Variants in GNB1 observed in about 807,000 individuals in gnomAD.
GNB1 encodes the protein G protein subunit beta 1.
Under a neutral mutation model 42.9 loss-of-function variants are expected in GNB1, and 2 were observed. The ratio of observed to expected loss-of-function variants is 0.05; its 90% CI spans 0.02 to 0.15. The LOEUF (loss-of-function observed/expected upper bound fraction) is 0.15, where lower values mean the gene tolerates loss of function less well. GNB1 is among the 10% of genes least tolerant of loss of function. The pLI, the probability that GNB1 is intolerant of heterozygous loss-of-function variation, is 1.00. For synonymous variants in GNB1, 183 were observed against 174.7 expected, an observed-to-expected ratio of 1.05 and a Z score of -0.38; for missense variants, 193 against 462.2, an observed-to-expected ratio of 0.42 and a Z score of 5.34.
intron 5 of GNB1, among the ~76,000 whole-genome samples, chr1:1,810,244 T>C (rs1346056421): frequency 6.6e-6 from 1 of 152,012 alleles, no homozygotes; most frequent in African/African-American, 2.4e-5. Context: ...TTTTTGTATT[T>C]TTAGTTGAGA....
At chr1:1,874,300 C>T (rs1236632796) in intron 1 of GNB1, among the ~76,000 whole-genome samples, 1 of 152,084 alleles carries the variant, frequency 6.6e-6, no homozygotes, top group Non-Finnish European at 1.5e-5. Flanking sequence ...AAAACCCTGT[C>T]TCTACTAAAA....
intron 9 of GNB1, among the ~76,000 whole-genome samples, chr1:1,789,753 G>A (rs1646458280): frequency 6.6e-6 from 1 of 151,222 alleles, no homozygotes; most frequent in African/African-American, 2.4e-5. Flanking sequence ...ACTGGGATGG[G>A]AGGGGATTTG....
intron 1 of GNB1, among the ~76,000 whole-genome samples, chr1:1,856,423 C>T (rs916211405): frequency 6.6e-6 from 1 of 151,844 alleles, no homozygotes; most frequent in African/African-American, 2.4e-5. Context: ...TGCACTGGCC[C>T]GGAATTTCTT....
intron 5 of GNB1, among the ~76,000 whole-genome samples, chr1:1,807,289 C>T (rs72909072): frequency 0.011 from 1,625 of 151,542 alleles, 29 homozygotes; most frequent in African/African-American, 0.037. Context: ...GGTAAAATCC[C>T]GTCTCCACTA....
At position 1,790,331 on chromosome 1, in the gene GNB1, T is replaced by C. The variant is rs1646464789; in HGVS notation, c.699+64A>G. 2 of 1,122,134 alleles carry C rather than the reference T, an allele frequency of 1.8e-6. No individual in the cohort carries two copies. Among genetic ancestry groups the C allele is most frequent in the South Asian group, 1.2e-5 (1 of 80,552 alleles). 69.5% of individuals were successfully genotyped at this position (1,122,134 alleles called of 1,614,324 possible). On this transcript the variant is annotated intron_variant, in intron 9 of 11. Transcript: ENST00000378609. The surrounding 1 kb of genome is among the most constrained non-coding windows in gnomAD (Gnocchi z 5.4). ...ATCTAATCCAGAAAAGTTTAAAATT[T>C]AGCAATCTGAACGGCTAGCAGAGAC...
intron 7 of GNB1, among the ~76,000 whole-genome samples, chr1:1,798,135 A>C (rs1646571643): frequency 6.6e-6 from 1 of 152,234 alleles, no homozygotes; most frequent in African/African-American, 2.4e-5. Flanking sequence ...AAGTAACTTG[A>C]AGATGTGAAA....
chr1:1,791,699 G>A (rs1374462722), intron 8 of GNB1, among the ~76,000 whole-genome samples: 1 of 152,180 alleles, frequency 6.6e-6, no homozygotes, highest in Non-Finnish European at 1.5e-5. Context: ...GCCTGGCAAT[G>A]CAAATCCAAT....
intron 7 of GNB1, among the ~76,000 whole-genome samples, chr1:1,796,617 C>T (rs1016380384): frequency 1.4e-4 from 22 of 152,174 alleles, no homozygotes; most frequent in African/African-American, 5.1e-4. Context: ...GGTGAAAACA[C>T]GCCCCTCCTC....
intron 1 of GNB1, among the ~76,000 whole-genome samples, chr1:1,871,132 C>G (rs946840672): frequency 1.3e-5 from 2 of 152,040 alleles, no homozygotes; most frequent in African/African-American, 4.8e-5. Flanking sequence ...AAGGGCTGAC[C>G]ACCTAGTACC....
intron 2 of GNB1, among the ~76,000 whole-genome samples, chr1:1,831,408 G>A (rs1007848490): frequency 6.6e-6 from 1 of 152,084 alleles, no homozygotes; most frequent in African/African-American, 2.4e-5. Flanking sequence ...TTGGGAAAAC[G>A]CTTACTATAT....
At chr1:1,837,011 C>G (rs1006827038) in intron 2 of GNB1, among the ~76,000 whole-genome samples, 2 of 151,708 alleles carry the variant, frequency 1.3e-5, no homozygotes, top group African/African-American at 4.8e-5. Context: ...AGAGTTCTTA[C>G]CTATTCTGGA....
chr1:1,829,570 G>A (rs1052200638), intron 2 of GNB1, among the ~76,000 whole-genome samples: 1 of 152,184 alleles, frequency 6.6e-6, no homozygotes, highest in South Asian at 2.1e-4. Flanking sequence ...CAGGAAGAGC[G>A]AACTTAAGGG....
At chr1:1,877,838 G>A (rs1649633876) in intron 1 of GNB1, among the ~76,000 whole-genome samples, 1 of 152,168 alleles carries the variant, frequency 6.6e-6, no homozygotes, top group South Asian at 2.1e-4. Flanking sequence ...GATTAACTGG[G>A]TGTTGAGTTA....
intron 1 of GNB1, among the ~76,000 whole-genome samples, chr1:1,866,909 G>C (rs1402281421): frequency 6.6e-6 from 1 of 150,518 alleles, no homozygotes; most frequent in East Asian, 2.0e-4. Context: ...AGCTGAGATC[G>C]CGCCACTGCA....
At chr1:1,792,696 CAAAAAAAA>C (rs374752641) in intron 8 of GNB1, among the ~76,000 whole-genome samples, 3 of 102,810 alleles carry the variant, frequency 2.9e-5, no homozygotes, top group African/African-American at 7.1e-5. Context: ...GACTCTATCT[CAAAAAAAA>C]AAAAAAAAAG....
At chr1:1,825,191 A>C in intron 3 of GNB1, 1 of 555,374 alleles carries the variant, frequency 1.8e-6, no homozygotes, top group Non-Finnish European at 3.2e-6. Context: ...TATTCAAATA[A>C]CAAATTGTAT....
At chr1:1,803,367 G>A (rs1295287389) in intron 7 of GNB1, among the ~76,000 whole-genome samples, 4 of 152,200 alleles carry the variant, frequency 2.6e-5, no homozygotes, top group African/African-American at 9.6e-5. Context: ...TGCAATCATA[G>A]CTCCCTGCAG....
chr1:1,890,787 C>T (rs966845977), intron 1 of GNB1, 33 bp downstream of exon 1: 1 of 148,482 alleles, frequency 6.7e-6, no homozygotes, highest in Non-Finnish European at 1.5e-5. Context: ...ACGAACAGGA[C>T]CCGGGTCCGG....
intron 6 of GNB1, among the ~76,000 whole-genome samples, chr1:1,805,028 G>A (rs1040916964): frequency 2.0e-5 from 3 of 152,190 alleles, no homozygotes; most frequent in African/African-American, 7.2e-5. Flanking sequence ...TGGGCGTGAT[G>A]GCGCATGCCT....
Sources: gnomAD v4.1 joint callset for allele counts (sites outside exome capture counted in the v4.1 genomes callset) on GRCh38, gnomAD v4.1.1 for gene constraint, Gnocchi (gnomAD v3.1) non-coding constraint, MANE v1.5 for transcripts, NCBI Gene and HGNC (gene_info 2026-07-23, HGNC 2026-07-21) for gene names.